Variants in SNX24 observed in about 807,000 individuals in gnomAD.
SNX24 encodes sorting nexin 24.
A neutral mutation model predicts 28.7 loss-of-function variants in SNX24; 22 were observed. That is an observed-to-expected ratio of 0.77 (90% confidence interval 0.55 to 1.10). The LOEUF is 1.10. SNX24 is among the 50% of genes least tolerant of loss of function. The pLI is 0.00. For missense variants in SNX24, 221 were observed against 201.1 expected, an observed-to-expected ratio of 1.10 and a Z score of -0.60; for synonymous variants, 69 against 71.5, an observed-to-expected ratio of 0.96 and a Z score of 0.18.
At chr5:123,025,656 A>T in intron 5 of SNX24, 1 of 916,256 alleles carries the variant, frequency 1.1e-6, no homozygotes, top group Non-Finnish European at 1.6e-6. Context: ...TAATTTATTC[A>T]CCTTTGAAGA....
chr5:122,863,933 T>G (rs539093017), intron 1 of SNX24, among the ~76,000 whole-genome samples: 2 of 151,518 alleles, frequency 1.3e-5, no homozygotes, highest in Admixed American at 6.6e-5. Flanking sequence ...CCATGTTGGC[T>G]TTTACTTTGG....
intron 1 of SNX24, among the ~76,000 whole-genome samples, chr5:122,928,510 G>C (rs2150109670): frequency 6.6e-6 from 1 of 152,232 alleles, no homozygotes; most frequent in African/African-American, 2.4e-5. Flanking sequence ...AGAGAAATAT[G>C]ACAAGGGAGG....
chr5:122,997,959 T>C (rs1402581833), intron 3 of SNX24, among the ~76,000 whole-genome samples: 1 of 152,138 alleles, frequency 6.6e-6, no homozygotes, highest in Non-Finnish European at 1.5e-5. Context: ...CATTGAAACA[T>C]GTGTCATAGC....
At chr5:122,997,790 T>TAC (rs2150172863) in intron 3 of SNX24, among the ~76,000 whole-genome samples, 1 of 152,330 alleles carries the variant, frequency 6.6e-6, no homozygotes, top group South Asian at 2.1e-4. Context: ...AAGAATGTTA[T>TAC]ACCCTCCCCT....
chr5:122,995,301 C>G (rs1057078251), intron 3 of SNX24, among the ~76,000 whole-genome samples: 5 of 152,172 alleles, frequency 3.3e-5, no homozygotes, highest in African/African-American at 1.2e-4. Context: ...CTTAACAGAA[C>G]AGTTAGTTAA....
At chr5:122,949,075 G>A (rs1759821275) in intron 3 of SNX24, among the ~76,000 whole-genome samples, 1 of 152,108 alleles carries the variant, frequency 6.6e-6, no homozygotes, top group Non-Finnish European at 1.5e-5. Context: ...AAACAAGAAA[G>A]GTCAAATTAC....
At chr5:122,949,277 C>A (rs983383478) in intron 3 of SNX24, among the ~76,000 whole-genome samples, 3 of 152,038 alleles carry the variant, frequency 2.0e-5, no homozygotes, top group Non-Finnish European at 4.4e-5. Flanking sequence ...TGGCTTTCTT[C>A]AACTTGAAAA....
In SNX24 at chr5:122,845,624, C is replaced by T. The variant is rs748727628; in HGVS notation, c.-10C>T. 10 of 1,394,030 alleles carry T rather than the reference C, an allele frequency of 7.2e-6. No homozygotes were observed. In the African/African-American group the frequency reaches 7.4e-5, roughly 10 times the overall value. The allele number at this position is 1,394,030 out of a possible 1,614,324, so 86.4% of individuals were successfully genotyped here. Reference sequence around the variant, plus strand: ...CCCAACTCGCCCTCAGCCGGCTGGCCGGCGCGGCCATGGAGGTCTACATCC... The same window carrying T: ...CCCAACTCGCCCTCAGCCGGCTGGCTGGCGCGGCCATGGAGGTCTACATCC... On this transcript the variant is annotated 5_prime_UTR_variant, in exon 1 of 7. Transcript: ENST00000261369.
At chr5:122,963,887 C>T (rs1398907915) in intron 3 of SNX24, among the ~76,000 whole-genome samples, 3 of 152,078 alleles carry the variant, frequency 2.0e-5, no homozygotes, top group African/African-American at 7.2e-5. Flanking sequence ...TATATATGCA[C>T]ATATCCAACA....
chr5:122,863,103 A>T (rs1436235296), intron 1 of SNX24, among the ~76,000 whole-genome samples: 3 of 152,210 alleles, frequency 2.0e-5, no homozygotes, highest in African/African-American at 7.2e-5. Flanking sequence ...GTTGGGGGAG[A>T]GTAAGAGTAA....
At chr5:122,890,163 G>A (rs1031747549) in intron 1 of SNX24, among the ~76,000 whole-genome samples, 5 of 152,074 alleles carry the variant, frequency 3.3e-5, no homozygotes, top group Non-Finnish European at 5.9e-5. Context: ...CCTTCTTGGG[G>A]TATCACATTC....
intron 1 of SNX24, among the ~76,000 whole-genome samples, chr5:122,898,041 A>C (rs1299955081): frequency 1.3e-5 from 2 of 152,220 alleles, no homozygotes; most frequent in Non-Finnish European, 2.9e-5. Context: ...AGGTTGTACC[A>C]ATGTTCTGGA....
chr5:122,935,829 G>A (rs1002890943), intron 1 of SNX24, among the ~76,000 whole-genome samples: 31 of 151,984 alleles, frequency 2.0e-4, no homozygotes, highest in African/African-American at 1.2e-4. Flanking sequence ...TCAGAAGGGC[G>A]ATTGAAATAG....
intron 1 of SNX24, among the ~76,000 whole-genome samples, chr5:122,871,850 G>A (rs1310363478): frequency 6.6e-6 from 1 of 152,078 alleles, no homozygotes; most frequent in South Asian, 2.1e-4. Context: ...GTTAAGTTTT[G>A]GAGCCAGATA....
chr5:122,941,324 T>G (rs1482478168), intron 2 of SNX24, among the ~76,000 whole-genome samples: 1 of 152,224 alleles, frequency 6.6e-6, no homozygotes, highest in Non-Finnish European at 1.5e-5. Flanking sequence ...ACACCTTTAC[T>G]GGCCGACTTT....
At chr5:122,989,519 C>T (rs1004111532) in intron 3 of SNX24, among the ~76,000 whole-genome samples, 10 of 1,338 alleles carry the variant, frequency 7.5e-3, no homozygotes, top group Admixed American at 0.069. Flanking sequence ...GCTAAGGGAC[C>T]GGGTGGGGGG....
At chr5:122,889,176 A>G (rs1756844797) in intron 1 of SNX24, among the ~76,000 whole-genome samples, 2 of 152,152 alleles carry the variant, frequency 1.3e-5, no homozygotes, top group Admixed American at 1.3e-4. Flanking sequence ...AAATAACTTT[A>G]TTTTGAAATA....
chr5:122,884,529 G>T lies in SNX24; in HGVS notation c.60+38836G>T, dbSNP rs567931853. ...GCCTCACAAAGTGCTGGGATTACAG[G>T]TATGAGCCAGCACACCCAGCCTGTT... On this transcript the variant is annotated intron_variant, in intron 1 of 6. Transcript: ENST00000261369. Among the ~76,000 whole-genome samples the T allele has an allele frequency of 3.6e-4, 55 of 151,762 alleles. 1 individual carries two copies. Among genetic ancestry groups the T allele is most frequent in the South Asian group, 2.1e-3 (10 of 4,806 alleles).
At chr5:122,893,803 C>T (rs576531729) in intron 1 of SNX24, among the ~76,000 whole-genome samples, 1 of 152,126 alleles carries the variant, frequency 6.6e-6, no homozygotes, top group East Asian at 1.9e-4. Context: ...CAGCACTTTG[C>T]GAGGCCAAGG....
Sources: allele counts gnomAD v4.1 joint callset (sites outside exome capture counted in the v4.1 genomes callset), GRCh38; gene constraint gnomAD v4.1.1; transcripts MANE v1.5; gene names NCBI Gene and HGNC (gene_info 2026-07-23, HGNC 2026-07-21).